NFATC1: variants seen among roughly 807,000 people sequenced by gnomAD.
The protein encoded by NFATC1 is nuclear factor of activated T-cells, cytoplasmic 1.
In NFATC1, 22 loss-of-function variants were observed where a neutral mutation model predicts 76.0. The observed-to-expected ratio is 0.29, with a 90% confidence interval of 0.21 to 0.41. The LOEUF (loss-of-function observed/expected upper bound fraction) is 0.41. Among genes scored for constraint, NFATC1 ranks in the 10% least tolerant of loss-of-function variants. The probability of loss-of-function intolerance (pLI) is 1.00; values close to 1 mark genes in which losing one functional copy is unlikely to be tolerated. For synonymous variants in NFATC1, 704 were observed against 613.1 expected, an observed-to-expected ratio of 1.15 and a Z score of -2.19; for missense variants, 1,357 against 1,337.7, an observed-to-expected ratio of 1.01 and a Z score of -0.23.
At chr18:79,416,131 A>G (rs1249857737) in intron 2 of NFATC1, among the ~76,000 whole-genome samples, 1 of 152,376 alleles carries the variant, frequency 6.6e-6, no homozygotes, top group Admixed American at 6.5e-5. Flanking sequence ...AGATTTTAGC[A>G]TATCGGTCAC....
At chr18:79,494,748 C>T (rs1244815808) in intron 9 of NFATC1, among the ~76,000 whole-genome samples, 6 of 64,930 alleles carry the variant, frequency 9.2e-5, no homozygotes, top group African/African-American at 3.3e-4. Flanking sequence ...CGCCCCCCAT[C>T]GACCTGGTAC....
intron 9 of NFATC1, among the ~76,000 whole-genome samples, chr18:79,523,294 G>A (rs950722400): frequency 6.6e-6 from 1 of 152,148 alleles, no homozygotes; most frequent in African/African-American, 2.4e-5. Flanking sequence ...ATCAAACAGC[G>A]TTCAGGCCCT....
At position 79,406,722 on chromosome 18, in the gene NFATC1, G is replaced by A. The variant is rs895374521; in HGVS notation, c.128-3681G>A. Among the ~76,000 whole-genome samples, 15 of 152,286 alleles carry A rather than the reference G, an allele frequency of 9.8e-5. No homozygotes were observed. The East Asian group carries it at 1.7e-3, about 18-fold the overall frequency. On this transcript the variant is annotated intron_variant, in intron 1 of 9. Coordinates refer to ENST00000427363, the MANE Select transcript of NFATC1 (RefSeq NM_001278669.2). Reference sequence around the variant, plus strand: ...AGGTGGCTCGGCGTGGCACCTCAACGGGAACCCCCCAGGAGCCGCAGGCCT... The same window carrying A: ...AGGTGGCTCGGCGTGGCACCTCAACAGGAACCCCCCAGGAGCCGCAGGCCT...
chr18:79,527,847 A>G lies in NFATC1; in HGVS notation c.*270A>G, dbSNP rs562746168. 1 of 523,360 alleles carries G rather than the reference A, an allele frequency of 1.9e-6. No homozygotes were observed. 32.4% of individuals were successfully genotyped at this position (523,360 alleles called of 1,614,324 possible). ...GCTGAGCACGGGAGACCCACCGTGC[A>G]GGGGCCTTTCATGGGAACGGCCCAC... On this transcript the variant is annotated 3_prime_UTR_variant, in exon 10 of 10. Coordinates refer to ENST00000427363, the MANE Select transcript of NFATC1 (RefSeq NM_001278669.2).
At chr18:79,439,695 A>G (rs1256335784) in intron 3 of NFATC1, among the ~76,000 whole-genome samples, 1 of 152,188 alleles carries the variant, frequency 6.6e-6, no homozygotes, top group Admixed American at 6.5e-5. Flanking sequence ...CCCAGGAGCA[A>G]GAACTCTCAG....
chr18:79,443,119 C>G (rs2087048932), intron 3 of NFATC1, among the ~76,000 whole-genome samples: 1 of 152,220 alleles, frequency 6.6e-6, no homozygotes, highest in Non-Finnish European at 1.5e-5. Context: ...GCGAGTCCCT[C>G]TAGATTTGCT....
chr18:79,410,913 A>G lies in NFATC1; in HGVS notation c.638A>G (p.Lys213Arg). Residue 213 changes from lysine to arginine, a missense_variant, in exon 2 of 10, where the codon AAG (lysine) becomes AGG (arginine). By Grantham distance (26) the Lys-to-Arg change is conservative. Around this residue, in one of 3 missense-constraint regions of NFATC1, gnomAD observed 691 missense variants for 613.1 expected, o/e 1.13. Coordinates refer to ENST00000427363, the MANE Select transcript of NFATC1 (RefSeq NM_001278669.2). The surrounding 1 kb of genome is among the most constrained non-coding windows in gnomAD (Gnocchi z 6.7). ...SPWQSPCVSP[K>R]TTDPEEGFPR... ...TGGCAGTCTCCCTGCGTGTCTCCCA[A>G]GACCACGGACCCCGAGGAGGGCTTT... The G allele has an allele frequency of 6.2e-7, 1 of 1,607,348 alleles. No homozygotes were observed. The highest frequency in any genetic ancestry group is 8.5e-7 in the Non-Finnish European group (1 of 1,178,172).
chr18:79,451,164 G>A (rs750859733), intron 5 of NFATC1, 38 bp downstream of exon 5: 119 of 1,587,430 alleles, frequency 7.5e-5, no homozygotes, highest in Non-Finnish European at 9.0e-5. Context: ...GGAGGAAACC[G>A]TCCCGTCACA....
chr18:79,515,584 T>A (rs968026698), intron 9 of NFATC1, among the ~76,000 whole-genome samples: 1 of 151,914 alleles, frequency 6.6e-6, no homozygotes, highest in Non-Finnish European at 1.5e-5. Context: ...GCTACACACT[T>A]CACATGGTGA....
rs113881412 is a variant in NFATC1 at position 79,411,518 on chromosome 18, G to T, written c.1226+17G>T. The T allele has an allele frequency of 1.4e-6, 2 of 1,441,722 alleles. No homozygotes were observed. The highest frequency in any genetic ancestry group is 1.8e-6 in the Non-Finnish European group (2 of 1,099,520). The allele number at this position is 1,441,722 out of a possible 1,614,324, so 89.3% of individuals were successfully genotyped here. On this transcript the variant is annotated intron_variant, in intron 2 of 9. Transcript: ENST00000427363. ...CTACATGAGGTGAGCCGGCAGCGCGGGGCGGGACGGGGAGGCGAGGGGAGG... is the reference window on the plus strand; with the variant it reads ...CTACATGAGGTGAGCCGGCAGCGCGTGGCGGGACGGGGAGGCGAGGGGAGG...
intron 9 of NFATC1, among the ~76,000 whole-genome samples, chr18:79,499,511 A>C (rs2089969372): frequency 6.6e-6 from 1 of 152,262 alleles, no homozygotes; most frequent in African/African-American, 2.4e-5. Context: ...TGGAAAACAT[A>C]ATCCTACCGT....
At position 79,432,688 on chromosome 18, in the gene NFATC1, G is replaced by T. The variant is rs2086641744; in HGVS notation, c.1227-891G>T. 2.0e-5 allele frequency among the ~76,000 whole-genome samples: 3 copies of T among 152,216 alleles called. No homozygotes were observed. In the South Asian group the frequency reaches 6.2e-4, roughly 32 times the overall value. ...GAAGGTGGTGCCTGCGTGGATGGTG[G>T]TGCACCGGGGCAGGCCACCCCCTAG... On this transcript the variant is annotated intron_variant, in intron 2 of 9. Transcript: ENST00000427363.
Position 79,486,381 on chromosome 18 carries a change from C to T in NFATC1, c.2226C>T (p.Ser742=). 6.2e-7 allele frequency: 1 copy of T among 1,613,022 alleles called. No individual in the cohort carries two copies. Among genetic ancestry groups the T allele is most frequent in the Non-Finnish European group, 8.5e-7 (1 of 1,179,994 alleles). The change falls in exon 9 of 10, where the codon TCC becomes TCT. Residue 742 remains serine, a synonymous_variant. Coordinates refer to ENST00000427363, the MANE Select transcript of NFATC1 (RefSeq NM_001278669.2). ...QQLAMPPDPS[S]CLVAGFPPCP... ...TCGCGATGCCACCCGACCCCAGCTCCTGCCTCGTGGCCGGCTTCCCGCCCT... is the reference window on the plus strand; with the variant it reads ...TCGCGATGCCACCCGACCCCAGCTCTTGCCTCGTGGCCGGCTTCCCGCCCT...
chr18:79,502,755 A>T (rs2090041032), intron 9 of NFATC1, among the ~76,000 whole-genome samples: 1 of 152,244 alleles, frequency 6.6e-6, no homozygotes, highest in Non-Finnish European at 1.5e-5. Context: ...GGGAATGCAC[A>T]TTGTAAATTT....
intron 8 of NFATC1, among the ~76,000 whole-genome samples, chr18:79,476,926 A>G (rs2089097640): frequency 6.6e-6 from 1 of 152,232 alleles, no homozygotes; most frequent in African/African-American, 2.4e-5. Flanking sequence ...CAGAAACTCC[A>G]GTGAAGAGTC....
rs1236246183 is a variant in NFATC1 at position 79,411,268 on chromosome 18, C to A, written c.993C>A (p.Val331=). The A allele has an allele frequency of 4.4e-6, 7 of 1,603,196 alleles. No homozygotes were observed. The highest frequency in any genetic ancestry group is 5.9e-6 in the Non-Finnish European group (7 of 1,179,726). Residue 331 remains valine, a synonymous_variant, in exon 2 of 10, where the codon GTC becomes GTA. Coordinates refer to ENST00000427363, the MANE Select transcript of NFATC1 (RefSeq NM_001278669.2). The part of the protein sequence containing the change: ...TDSSLDLGDG[V]PVKSRKTTLE... ...GCAGCCTGGACCTGGGAGATGGCGT[C>A]CCTGTCAAGTCCCGCAAGACCACCC...
intron 3 of NFATC1, among the ~76,000 whole-genome samples, chr18:79,443,205 G>C (rs568814449): frequency 1.3e-5 from 2 of 152,194 alleles, no homozygotes; most frequent in Non-Finnish European, 2.9e-5. Flanking sequence ...CTGTGTTCAC[G>C]GGAAGGATTC....
chr18:79,507,284 G>A (rs1053586642), intron 9 of NFATC1, among the ~76,000 whole-genome samples: 2 of 152,242 alleles, frequency 1.3e-5, no homozygotes, highest in African/African-American at 2.4e-5. Context: ...CTCAGTTCCC[G>A]AGGCTGCACT....
rs25658 is a variant in NFATC1 at position 79,467,473 on chromosome 18, G to A, written c.1983G>A (p.Pro661=). The change falls in exon 8 of 10, where the codon CCG becomes CCA. Residue 661 remains proline (P), a synonymous_variant. Transcript: ENST00000427363. ...AGAATTCTCTGGTGGTTGAGATCCC[G>A]CCATTTCGGAATCAGAGGATAACCA... ...CKPNSLVVEI[P]PFRNQRITSP... is the part of the protein sequence containing the mutation. 11,657 of 1,607,194 alleles carry A rather than the reference G, an allele frequency of 7.3e-3. 686 individuals carry two copies. In the African/African-American group the frequency reaches 0.13, roughly 18 times the overall value.
Sources: gnomAD v4.1 joint callset for allele counts (sites outside exome capture counted in the v4.1 genomes callset) on GRCh38, gnomAD v4.1.1 for gene constraint, gnomAD v4.1.1 regional missense constraint, Gnocchi (gnomAD v3.1) non-coding constraint, MANE v1.5 for transcripts, NCBI Gene and HGNC (gene_info 2026-07-23, HGNC 2026-07-21) for gene names.